The following CGNL1 variants were observed in gnomAD, a reference collection of about 807,000 sequenced individuals.
CGNL1 encodes the protein cingulin like 1, also known as cingulin-like protein 1.
In CGNL1, 132 loss-of-function variants were observed where a neutral mutation model predicts 141.2. That is an observed-to-expected ratio of 0.93 (90% CI 0.81 to 1.08). The LOEUF is 1.08. Among genes scored for constraint, CGNL1 ranks in the 50% least tolerant of loss-of-function variants. The pLI is 0.00. For synonymous variants in CGNL1, 690 were observed against 622.1 expected, an observed-to-expected ratio of 1.11 and a Z score of -1.63; for missense variants, 1,870 against 1,588.6, an observed-to-expected ratio of 1.18 and a Z score of -3.01.
intron 4 of CGNL1, among the ~76,000 whole-genome samples, chr15:57,446,697 A>G (rs1322204888): frequency 7.5e-6 from 1 of 133,582 alleles, no homozygotes; most frequent in Non-Finnish European, 1.6e-5. Context: ...AAACACACTC[A>G]CTCATTTCTC....
At position 57,508,449 on chromosome 15, in the gene CGNL1, A is replaced by G. The variant is rs867188372; in HGVS notation, c.2404-8331A>G. Among the ~76,000 whole-genome samples the G allele has an allele frequency of 3.3e-5, 5 of 152,338 alleles. No homozygotes were observed. In the South Asian group the frequency reaches 1.0e-3, roughly 32 times the overall value. On this transcript the variant is annotated intron_variant, in intron 8 of 18. Transcript: ENST00000281282. Reference sequence around the variant, plus strand: ...AAGGAACCCATCACTTTACATTACTAAAATAATTTCAACTTTTTAAAGATT... The same window carrying G: ...AAGGAACCCATCACTTTACATTACTGAAATAATTTCAACTTTTTAAAGATT...
At chr15:57,476,686 A>G (rs1197324446) in intron 8 of CGNL1, among the ~76,000 whole-genome samples, 1 of 152,232 alleles carries the variant, frequency 6.6e-6, no homozygotes, top group Non-Finnish European at 1.5e-5. Context: ...AACAAGTCCA[A>G]GTTAGATGCA....
intron 14 of CGNL1, among the ~76,000 whole-genome samples, chr15:57,541,736 GC>G (rs112778097): frequency 6.6e-6 from 1 of 152,330 alleles, no homozygotes; most frequent in African/African-American, 2.4e-5. Context: ...GAAGTAATGG[GC>G]AGTGCAGGGG....
At chr15:57,396,243 T>C (rs562969527) in intron 1 of CGNL1, among the ~76,000 whole-genome samples, 1 of 152,092 alleles carries the variant, frequency 6.6e-6, no homozygotes, top group African/African-American at 2.4e-5. Context: ...TAGTTCTTGG[T>C]TGTTATTTAT....
At chr15:57,433,198 C>G (rs577588343) in intron 1 of CGNL1, among the ~76,000 whole-genome samples, 29 of 150,338 alleles carry the variant, frequency 1.9e-4, no homozygotes, top group African/African-American at 7.1e-4. Flanking sequence ...CAATGCTGCT[C>G]AGAAAAAAGG....
chr15:57,544,565 G>A lies in CGNL1; in HGVS notation c.3468G>A (p.Ala1156=), dbSNP rs550324322. 7.3e-5 allele frequency: 116 copies of A among 1,598,694 alleles called. 1 individual carries two copies. The South Asian group carries it at 9.5e-4, about 13-fold the overall frequency. ...GLVVQMEARI[A]ELEDRLESEE... ...TTGTGCAGATGGAGGCCAGGATCGC[G>A]GAGCTGGAGGACCGCCTGGAGAGTG... Residue 1156 remains alanine, a synonymous_variant, in exon 16 of 19, where the codon GCG becomes GCA. Transcript: ENST00000281282.
chr15:57,510,866 C>T (rs531634087), intron 8 of CGNL1, among the ~76,000 whole-genome samples: 16 of 152,060 alleles, frequency 1.1e-4, no homozygotes, highest in Non-Finnish European at 1.9e-4. Context: ...TGTAAACTGG[C>T]GTGGGAGAGT....
intron 1 of CGNL1, among the ~76,000 whole-genome samples, chr15:57,432,583 C>G (rs2063058213): frequency 6.6e-6 from 1 of 152,330 alleles, no homozygotes; most frequent in South Asian, 2.1e-4. Flanking sequence ...CGTTTACTGC[C>G]AAATTATGTA....
intron 8 of CGNL1, among the ~76,000 whole-genome samples, chr15:57,493,631 A>G (rs141094819): frequency 1.3e-5 from 2 of 152,294 alleles, no homozygotes; most frequent in Non-Finnish European, 2.9e-5. Context: ...AAGACGCATG[A>G]GTTAGTAGGA....
chr15:57,419,751 C>T (rs1385388993), intron 1 of CGNL1, among the ~76,000 whole-genome samples: 1 of 152,170 alleles, frequency 6.6e-6, no homozygotes, highest in African/African-American at 2.4e-5. Context: ...TTGGCTCAAT[C>T]AGTGTCTGCC....
At chr15:57,430,635 A>T (rs185824326) in intron 1 of CGNL1, among the ~76,000 whole-genome samples, 1 of 152,124 alleles carries the variant, frequency 6.6e-6, no homozygotes, top group African/African-American at 2.4e-5. Flanking sequence ...TCCAGGGGGA[A>T]GTGGGGGCTT....
At chr15:57,541,635 C>G (rs1256597292) in intron 14 of CGNL1, among the ~76,000 whole-genome samples, 1 of 152,182 alleles carries the variant, frequency 6.6e-6, no homozygotes, top group Non-Finnish European at 1.5e-5. Context: ...CTGGACTGCC[C>G]TTCTGTGCCC....
Position 57,461,745 on chromosome 15 carries a change from C to G in CGNL1, c.2256C>G (p.Leu752=). The change falls in exon 8 of 19, where the codon CTC becomes CTG. Residue 752 remains leucine, a synonymous_variant. Transcript: ENST00000281282. ...TTGCCAAAGAGGAGCAAGAAGACCTCTTGAGAAAGCGAGAGCGTGAACTCA... is the reference window on the plus strand; with the variant it reads ...TTGCCAAAGAGGAGCAAGAAGACCTGTTGAGAAAGCGAGAGCGTGAACTCA... ...LLIAKEEQED[L]LRKRERELTA... The G allele has an allele frequency of 6.2e-7, 1 of 1,614,144 alleles. No homozygotes were observed. The highest frequency in any genetic ancestry group is 8.5e-7 in the Non-Finnish European group (1 of 1,180,024).
intron 8 of CGNL1, among the ~76,000 whole-genome samples, chr15:57,478,487 C>T (rs2063684769): frequency 6.6e-6 from 1 of 152,214 alleles, no homozygotes; most frequent in Non-Finnish European, 1.5e-5. Context: ...GGATGGGATC[C>T]TCTCACTGTA....
chr15:57,543,226 T>C (rs200083034), intron 14 of CGNL1, among the ~76,000 whole-genome samples: 57,620 of 151,850 alleles, frequency 0.38, 11,371 homozygotes, highest in East Asian at 0.51. Context: ...CCATCTCCAC[T>C]TCCCTGTGTC....
chr15:57,418,244 C>T (rs1397467923), intron 1 of CGNL1, among the ~76,000 whole-genome samples: 1 of 152,142 alleles, frequency 6.6e-6, no homozygotes, highest in African/African-American at 2.4e-5. Flanking sequence ...AATAACACCC[C>T]AGTCCATATT....
At chr15:57,383,309 T>TTTTTTTTTG in intron 1 of CGNL1, among the ~76,000 whole-genome samples, 2 of 121,032 alleles carry the variant, frequency 1.7e-5, no homozygotes, top group African/African-American at 6.2e-5. Context: ...TTTTTTTGTT[T>TTTTTTTTTG]TTTTGATACA....
Position 57,550,436 on chromosome 15 carries a change from A to G in CGNL1, c.*2946A>G, listed in dbSNP as rs1438579554. On this transcript the variant is annotated 3_prime_UTR_variant, in exon 19 of 19. Coordinates refer to ENST00000281282, the MANE Select transcript of CGNL1 (RefSeq NM_032866.5). ...AACCCCGATCAAGAGTATTTTCTTT[A>G]GCTAGCTTAAAAAGAAAACATATAT... 5.2e-5 allele frequency: 8 copies of G among 152,620 alleles called. No individual in the cohort carries two copies. Among genetic ancestry groups the G allele is most frequent in the African/African-American group, 1.7e-4 (7 of 41,448 alleles). 9.5% of individuals were successfully genotyped at this position (152,620 alleles called of 1,614,324 possible). A position where few individuals can be genotyped will look rare whatever the true frequency, so the allele number is the denominator to read the frequency against.
At chr15:57,508,026 A>G (rs1038967743) in intron 8 of CGNL1, among the ~76,000 whole-genome samples, 7 of 152,210 alleles carry the variant, frequency 4.6e-5, no homozygotes, top group Non-Finnish European at 1.0e-4. Context: ...CTTTTAACAA[A>G]AAGAAATTGA....
Sources: allele counts gnomAD v4.1 joint callset (sites outside exome capture counted in the v4.1 genomes callset), GRCh38; gene constraint gnomAD v4.1.1; transcripts MANE v1.5; gene names NCBI Gene and HGNC (gene_info 2026-07-23, HGNC 2026-07-21).